The following PTPN14 variants were observed in gnomAD, a reference collection of about 807,000 sequenced individuals.
PTPN14 encodes tyrosine-protein phosphatase non-receptor type 14.
In PTPN14, 53 loss-of-function variants were observed where a neutral mutation model predicts 126.8. The ratio of observed to expected loss-of-function variants is 0.42; its 90% CI spans 0.34 to 0.53. The LOEUF (loss-of-function observed/expected upper bound fraction) is 0.53. Ranked by LOEUF, PTPN14 falls within the 20% of genes least tolerant of loss-of-function variation. PTPN14 has a pLI of 0.08. For missense variants in PTPN14, 1,257 were observed against 1,552.9 expected, an observed-to-expected ratio of 0.81 and a Z score of 3.20; for synonymous variants, 630 against 599.3, an observed-to-expected ratio of 1.05 and a Z score of -0.75.
At chr1:214,437,941 G>C (rs1378320197) in intron 3 of PTPN14, among the ~76,000 whole-genome samples, 1 of 152,200 alleles carries the variant, frequency 6.6e-6, no homozygotes, top group African/African-American at 2.4e-5. Flanking sequence ...TTGATTCAGG[G>C]AGTCAGGACT....
At chr1:214,397,158 T>C (rs1390943612) in intron 8 of PTPN14, among the ~76,000 whole-genome samples, 8 of 152,156 alleles carry the variant, frequency 5.3e-5, no homozygotes, top group African/African-American at 1.9e-4. Context: ...AGAGAGTACA[T>C]GGCCAGTTAA....
rs893672087 is a variant in PTPN14 at position 214,452,061 on chromosome 1, T to A, written c.175-87A>T. The stretch of plus-strand genomic sequence containing the variant: ...AGAAACGAGACTCCAGCATGCTGCA[T>A]CCCACCCTGGGTTCCCCAGCCCATA... On this transcript the variant is annotated intron_variant, in intron 2 of 18. Coordinates refer to ENST00000366956, the MANE Select transcript of PTPN14 (RefSeq NM_005401.5). 17 of 1,443,156 alleles carry A rather than the reference T, an allele frequency of 1.2e-5. No individual in the cohort carries two copies. The African/African-American group carries it at 2.0e-4, about 17-fold the overall frequency. The allele number at this position is 1,443,156 out of a possible 1,614,324, so 89.4% of individuals were successfully genotyped here.
intron 1 of PTPN14, among the ~76,000 whole-genome samples, chr1:214,493,301 A>T (rs1044119172): frequency 4.6e-5 from 7 of 152,202 alleles, no homozygotes; most frequent in Non-Finnish European, 1.0e-4. Flanking sequence ...AAGGGCTCCA[A>T]GAGATGAAAA....
intron 3 of PTPN14, among the ~76,000 whole-genome samples, chr1:214,448,245 T>C (rs1019301923): frequency 2.0e-5 from 3 of 152,166 alleles, no homozygotes; most frequent in Non-Finnish European, 4.4e-5. Flanking sequence ...ATTTTCTCTT[T>C]TTTGAGATGG....
At chr1:214,524,032 T>C (rs1461447688) in intron 1 of PTPN14, among the ~76,000 whole-genome samples, 6 of 151,832 alleles carry the variant, frequency 4.0e-5, no homozygotes, top group Admixed American at 3.9e-4. Flanking sequence ...GTATTTTTAG[T>C]AGAGGCAGGG....
In PTPN14 at chr1:214,474,045, G is replaced by A. The variant is rs569087352; in HGVS notation, c.-154-9088C>T. 1.2e-4 allele frequency among the ~76,000 whole-genome samples: 18 copies of A among 152,248 alleles called. No homozygotes were observed. In the South Asian group the frequency reaches 3.3e-3, roughly 28 times the overall value. On this transcript the variant is annotated intron_variant, in intron 1 of 18. Transcript: ENST00000366956. ...CCCTCCTAACTCACTTTTAGTCAGTGGTGAGATGGAAACTTGTCCTAAAAC... is the reference window on the plus strand; with the variant it reads ...CCCTCCTAACTCACTTTTAGTCAGTAGTGAGATGGAAACTTGTCCTAAAAC...
intron 1 of PTPN14, among the ~76,000 whole-genome samples, chr1:214,466,479 C>T (rs77799182): frequency 6.6e-6 from 1 of 152,122 alleles, no homozygotes. Flanking sequence ...CTTACTGACA[C>T]CCTGATGTCC....
intron 3 of PTPN14, among the ~76,000 whole-genome samples, chr1:214,443,115 G>A (rs922364622): frequency 6.6e-6 from 1 of 152,080 alleles, no homozygotes; most frequent in Non-Finnish European, 1.5e-5. Context: ...GAACCACCGC[G>A]CCCAGCCTAA....
At chr1:214,363,500 C>G (rs1658002322) in intron 18 of PTPN14, among the ~76,000 whole-genome samples, 1 of 152,106 alleles carries the variant, frequency 6.6e-6, no homozygotes, top group Non-Finnish European at 1.5e-5. Context: ...CCACAAGTTT[C>G]CTTTAATTTT....
At chr1:214,446,904 A>T (rs2102627822) in intron 3 of PTPN14, among the ~76,000 whole-genome samples, 1 of 152,332 alleles carries the variant, frequency 6.6e-6, no homozygotes, top group Non-Finnish European at 1.5e-5. Context: ...GGCTCCAGAC[A>T]AAGGCTTATT....
chr1:214,443,783 C>T (rs1176597748), intron 3 of PTPN14, among the ~76,000 whole-genome samples: 1 of 152,184 alleles, frequency 6.6e-6, no homozygotes, highest in African/African-American at 2.4e-5. Flanking sequence ...ACTAACTGCA[C>T]AGGTCACAGA....
Position 214,364,773 on chromosome 1 carries a change from G to GTGTA in PTPN14, c.3272-99_3272-98insTACA. 1.6e-6 allele frequency: 1 copy of GTGTA among 624,740 alleles called. No homozygotes were observed. The highest frequency in any genetic ancestry group is 2.8e-5 in the East Asian group (1 of 35,698). The allele number at this position is 624,740 out of a possible 1,614,324, so 38.7% of individuals were successfully genotyped here. A position where few individuals can be genotyped will look rare whatever the true frequency, so the allele number is the denominator to read the frequency against. The stretch of plus-strand genomic sequence containing the variant: ...GGAAGAGAACTGATGGTGAGTGTGT[G>GTGTA]TGTGTGTGTGTGTGTGTGTGTGTGT... On this transcript the variant is annotated intron_variant, in intron 17 of 18. Transcript: ENST00000366956. This position sits in a 1 kb window ranked among gnomAD's most constrained non-coding sequence, Gnocchi z 4.1.
Position 214,411,731 on chromosome 1 carries a change from G to T in PTPN14, c.463C>A (p.Gln155Lys). The change falls in exon 5 of 19, where the codon CAG becomes AAG. Residue 155 changes from glutamine to lysine, a missense_variant. By Grantham distance (53) the Gln-to-Lys change is moderately conservative. This residue lies in a region of PTPN14 where 1,021 missense variants were observed against 1,183.3 expected (regional missense o/e 0.86). Transcript: ENST00000366956. ...CTGAGGAAATCTTGAGAATCAAACT[G>T]ATTATAGTCTCCAAAATCAGCTGAG... ...AVQADFGDYN[Q>K]FDSQDFLREY... is the part of the protein sequence containing the mutation. The T allele has an allele frequency of 6.6e-7, 1 of 1,510,070 alleles. No homozygotes were observed. Among genetic ancestry groups the T allele is most frequent in the South Asian group, 1.2e-5 (1 of 85,500 alleles). The allele number at this position is 1,510,070 out of a possible 1,614,324, so 93.5% of individuals were successfully genotyped here.
intron 1 of PTPN14, among the ~76,000 whole-genome samples, chr1:214,525,940 T>G (rs1427734541): frequency 6.7e-6 from 1 of 150,288 alleles, no homozygotes; most frequent in Non-Finnish European, 1.5e-5. Flanking sequence ...TAAGGGACTC[T>G]CAAGGAACAA....
At chr1:214,524,948 G>A (rs1286501422) in intron 1 of PTPN14, among the ~76,000 whole-genome samples, 1 of 152,110 alleles carries the variant, frequency 6.6e-6, no homozygotes, top group Non-Finnish European at 1.5e-5. Flanking sequence ...ACAAATTAAT[G>A]TAGTAAGTGT....
chr1:214,401,623 G>A lies in PTPN14; in HGVS notation c.669+62C>T. 5 of 1,386,904 alleles carry A rather than the reference G, an allele frequency of 3.6e-6. No individual in the cohort carries two copies. In the South Asian group the frequency reaches 7.0e-5, roughly 19 times the overall value. The allele number at this position is 1,386,904 out of a possible 1,614,324, so 85.9% of individuals were successfully genotyped here. A position where few individuals can be genotyped will look rare whatever the true frequency, so the allele number is the denominator to read the frequency against. On this transcript the variant is annotated intron_variant, in intron 7 of 18. Transcript: ENST00000366956. ...TTCTGGCCCACTGCTATCAACAATG[G>A]TTTTCCAAATGCCAGTACCGGTCTG...
At chr1:214,527,958 C>A (rs1326208809) in intron 1 of PTPN14, among the ~76,000 whole-genome samples, 1 of 152,212 alleles carries the variant, frequency 6.6e-6, no homozygotes, top group Non-Finnish European at 1.5e-5. Context: ...TCGACAGCTT[C>A]TCTCTAAAGT....
intron 1 of PTPN14, among the ~76,000 whole-genome samples, chr1:214,526,185 C>T (rs1252304635): frequency 6.6e-6 from 1 of 151,976 alleles, no homozygotes; most frequent in East Asian, 1.9e-4. Flanking sequence ...AGGCTGGTCT[C>T]GAACTCCTGA....
In PTPN14 at chr1:214,376,291, A is replaced by G. The variant is rs1658340682; in HGVS notation, c.2835T>C (p.Tyr945=). ...GTATCAGCTCTACTCGATTCTCCTCATAGGGGACAACTTCACGGATTCGGC... is the reference window on the plus strand; with the variant it reads ...GTATCAGCTCTACTCGATTCTCCTCGTAGGGGACAACTTCACGGATTCGGC... ...ERSRIREVVP[Y]EENRVELIPT... Residue 945 remains tyrosine (Y), a synonymous_variant, in exon 15 of 19, where the codon TAT becomes TAC. Coordinates refer to ENST00000366956, the MANE Select transcript of PTPN14 (RefSeq NM_005401.5). 6.2e-7 allele frequency: 1 copy of G among 1,614,166 alleles called. No individual in the cohort carries two copies. Among genetic ancestry groups the G allele is most frequent in the Non-Finnish European group, 8.5e-7 (1 of 1,180,034 alleles).
Sources: allele counts gnomAD v4.1 joint callset (sites outside exome capture counted in the v4.1 genomes callset), GRCh38; gene constraint gnomAD v4.1.1; regional missense constraint gnomAD v4.1.1; non-coding constraint Gnocchi (gnomAD v3.1); transcripts MANE v1.5; gene names NCBI Gene and HGNC (gene_info 2026-07-23, HGNC 2026-07-21).